PDE12: variants seen among roughly 807,000 people sequenced by gnomAD.
PDE12 encodes phosphodiesterase 12, also known as 2',5'-phosphodiesterase 12.
Under a neutral mutation model 45.4 loss-of-function variants are expected in PDE12, and 26 were observed. The observed-to-expected ratio is 0.57, with a 90% CI of 0.42 to 0.79. PDE12 has a LOEUF of 0.79. PDE12 is among the 30% of genes least tolerant of loss of function. The pLI is 0.00. For synonymous variants in PDE12, 283 were observed against 323.9 expected (o/e 0.87, Z 1.36); for missense variants, 668 against 790.0 (o/e 0.85, Z 1.85).
chr3:57,574,494 C>T, the PDE12 span, among the ~76,000 whole-genome samples: 2 of 151,520 alleles, frequency 1.3e-5, no homozygotes, highest in Non-Finnish European at 2.9e-5. Flanking sequence ...TCTGCAGCCT[C>T]CAACTTCTGG....
At chr3:57,644,191 A>G in the PDE12 span, among the ~76,000 whole-genome samples, 32 of 152,154 alleles carry the variant, frequency 2.1e-4, no homozygotes, top group African/African-American at 7.0e-4. Flanking sequence ...ATCAGAACTC[A>G]GAACACAATA....
chr3:57,613,280 T>TAA, the PDE12 span, among the ~76,000 whole-genome samples: 3 of 109,330 alleles, frequency 2.7e-5, no homozygotes, highest in South Asian at 3.1e-4. Context: ...TGCCTGGCCA[T>TAA]AAAAAAAAAA....
chr3:57,579,767 C>T, the PDE12 span, among the ~76,000 whole-genome samples: 11 of 152,206 alleles, frequency 7.2e-5, no homozygotes, highest in South Asian at 2.1e-4. Flanking sequence ...TTATTTTACA[C>T]TGCATCTATA....
the PDE12 span, among the ~76,000 whole-genome samples, chr3:57,640,239 A>G: frequency 2.7e-5 from 4 of 150,738 alleles, no homozygotes; most frequent in African/African-American, 9.7e-5. Flanking sequence ...ACTGCACTCC[A>G]GCCTGGGTGA....
At position 57,564,697 on chromosome 3, in the gene PDE12, C is replaced by T. The variant is rs1284065492; in HGVS notation, c.*4693C>T. On this transcript the variant is annotated 3_prime_UTR_variant, in exon 3 of 3. Transcript: ENST00000311180. ...TTTTCTTTTTTGAGACAGGGTCTGG[C>T]TTTGTCACCCAGGCTTGGAGGGCAC... The T allele has an allele frequency of 6.6e-6, 1 of 151,866 alleles. No homozygotes were observed. Among genetic ancestry groups the T allele is most frequent in the Non-Finnish European group, 1.5e-5 (1 of 68,012 alleles). 9.4% of individuals were successfully genotyped at this position (151,866 alleles called of 1,614,324 possible). A position where few individuals can be genotyped will look rare whatever the true frequency, so the allele number is the denominator to read the frequency against.
the PDE12 span, among the ~76,000 whole-genome samples, chr3:57,631,870 C>T: frequency 6.7e-6 from 1 of 149,306 alleles, no homozygotes; most frequent in African/African-American, 2.5e-5. Flanking sequence ...TTACAGGCGC[C>T]CACCACCACG....
chr3:57,567,590 G>T (rs1300638289), downstream of PDE12, among the ~76,000 whole-genome samples: 10 of 152,182 alleles, frequency 6.6e-5, no homozygotes, highest in Admixed American at 6.5e-4. Context: ...CCTTCCAGTA[G>T]TGGCCCATGA....
the PDE12 span, among the ~76,000 whole-genome samples, chr3:57,616,123 G>A: frequency 6.6e-6 from 1 of 152,084 alleles, no homozygotes; most frequent in Non-Finnish European, 1.5e-5. Flanking sequence ...AGTAGTTGGA[G>A]AGCAGCCTGG....
chr3:57,619,940 G>A, the PDE12 span, among the ~76,000 whole-genome samples: 1 of 151,028 alleles, frequency 6.6e-6, no homozygotes, highest in Non-Finnish European at 1.5e-5. Context: ...ATGAAAAATT[G>A]AGGCCGGGCA....
At chr3:57,597,007 G>A in the PDE12 span, 2 of 1,562,206 alleles carry the variant, frequency 1.3e-6, no homozygotes, top group Non-Finnish European at 8.8e-7. Context: ...AACAGGCCCA[G>A]AGGCCACCCC....
chr3:57,624,665 G>A, the PDE12 span, among the ~76,000 whole-genome samples: 2 of 151,606 alleles, frequency 1.3e-5, no homozygotes, highest in East Asian at 4.1e-4. Context: ...TTGAGAGGCC[G>A]AGGCAGGAGG....
At chr3:57,648,076 A>C in the PDE12 span, among the ~76,000 whole-genome samples, 3 of 152,180 alleles carry the variant, frequency 2.0e-5, no homozygotes, top group African/African-American at 7.2e-5. Flanking sequence ...TTAAACTGTC[A>C]CTGTTTGCTG....
the PDE12 span, among the ~76,000 whole-genome samples, chr3:57,640,843 T>A: frequency 6.6e-6 from 1 of 152,150 alleles, no homozygotes; most frequent in African/African-American, 2.4e-5. Context: ...ATGTCCTTAA[T>A]TAATGTACCA....
chr3:57,607,017 C>T, the PDE12 span, among the ~76,000 whole-genome samples: 2 of 152,258 alleles, frequency 1.3e-5, no homozygotes, highest in South Asian at 4.2e-4. Flanking sequence ...GACTGACACC[C>T]CACACAGCCG....
At chr3:57,628,347 T>C in the PDE12 span, 1 of 1,612,868 alleles carries the variant, frequency 6.2e-7, no homozygotes, top group Non-Finnish European at 8.5e-7. Context: ...AGCCTGCAAC[T>C]ACATAAGGAA....
At chr3:57,578,727 T>C in the PDE12 span, among the ~76,000 whole-genome samples, 1 of 151,954 alleles carries the variant, frequency 6.6e-6, no homozygotes, top group African/African-American at 2.4e-5. Context: ...GATCCACCCA[T>C]CTTGGCCTCC....
At chr3:57,653,164 T>C in the PDE12 span, among the ~76,000 whole-genome samples, 2 of 152,292 alleles carry the variant, frequency 1.3e-5, no homozygotes, top group South Asian at 4.1e-4. Flanking sequence ...TTCTGTTGGT[T>C]TGTAAAAATA....
the PDE12 span, chr3:57,630,774 A>C: frequency 3.1e-6 from 5 of 1,613,964 alleles, no homozygotes; most frequent in East Asian, 1.1e-4. Context: ...CTGTTTTCTC[A>C]AGTGTTTTCA....
At chr3:57,655,904 C>G in the PDE12 span, among the ~76,000 whole-genome samples, 1 of 152,142 alleles carries the variant, frequency 6.6e-6, no homozygotes, top group African/African-American at 2.4e-5. Context: ...TAATTGAACT[C>G]TATATTAATT....
Sources: allele counts gnomAD v4.1 joint callset (sites outside exome capture counted in the v4.1 genomes callset), GRCh38; gene constraint gnomAD v4.1.1; transcripts MANE v1.5; gene names NCBI Gene and HGNC (gene_info 2026-07-23, HGNC 2026-07-21).